Variants in KIAA0825 observed in about 807,000 individuals in gnomAD.
The protein encoded by KIAA0825 is KIAA0825, also known as uncharacterized protein KIAA0825.
A neutral mutation model predicts 147.6 loss-of-function variants in KIAA0825; 119 were observed. That is an observed-to-expected ratio of 0.81 (90% CI 0.69 to 0.94). The LOEUF (loss-of-function observed/expected upper bound fraction) is 0.94, where lower values mean the gene tolerates loss of function less well. KIAA0825 is among the 40% of genes least tolerant of loss of function. The probability of loss-of-function intolerance (pLI) is 0.00; values close to 1 mark genes in which losing one functional copy is unlikely to be tolerated. For synonymous variants in KIAA0825, 470 were observed against 518.1 expected, an observed-to-expected ratio of 0.91 and a Z score of 1.26; for missense variants, 1,381 against 1,472.7, an observed-to-expected ratio of 0.94 and a Z score of 1.02.
intron 2 of KIAA0825, among the ~76,000 whole-genome samples, chr5:94,552,613 G>A (rs116808269): frequency 0.018 from 2,703 of 151,978 alleles, 70 homozygotes; most frequent in African/African-American, 0.052. Context: ...ACTTTGGAAC[G>A]TGTACAAATA....
Position 94,403,603 on chromosome 5 carries a change from A to T in KIAA0825, c.2853T>A (p.Ser951Arg). ...ATTCTTTCCTGTTAGTTTCTTTTGG[A>T]CTATAATTCCATTCCTTTGGCATGC... ...LESMPKEWNYSPKETNRKESC... is the reference protein window; with the variant it reads ...LESMPKEWNYRPKETNRKESC... The change falls in exon 16 of 21, where the codon AGT (serine) becomes AGA (arginine). Residue 951 changes from serine to arginine, a missense_variant. Ser to Arg is a moderately radical substitution (Grantham distance 110, BLOSUM62 -1). Coordinates refer to ENST00000682413, the MANE Select transcript of KIAA0825 (RefSeq NM_001145678.3). 2.6e-6 allele frequency: 4 copies of T among 1,551,450 alleles called. No homozygotes were observed. Among genetic ancestry groups the T allele is most frequent in the Non-Finnish European group, 2.6e-6 (3 of 1,146,854 alleles).
intron 20 of KIAA0825, among the ~76,000 whole-genome samples, chr5:94,370,937 C>CA (rs1463197217): frequency 6.6e-6 from 1 of 151,450 alleles, no homozygotes; most frequent in Non-Finnish European, 1.5e-5. Flanking sequence ...CAAAACAAAA[C>CA]AAAAAAACGT....
At chr5:94,162,198 G>A (rs1315369843) in intron 20 of KIAA0825, among the ~76,000 whole-genome samples, 1 of 152,186 alleles carries the variant, frequency 6.6e-6, no homozygotes, top group Non-Finnish European at 1.5e-5. Flanking sequence ...TAAATGATAA[G>A]GATAGAGAAG....
At chr5:94,565,556 G>A (rs1050534797) in intron 2 of KIAA0825, among the ~76,000 whole-genome samples, 1 of 151,750 alleles carries the variant, frequency 6.6e-6, no homozygotes, top group South Asian at 2.1e-4. Context: ...TGGCCAGGCT[G>A]GTCTCAAACT....
intron 7 of KIAA0825, among the ~76,000 whole-genome samples, chr5:94,475,595 GT>G (rs1010753628): frequency 6.6e-6 from 1 of 152,148 alleles, no homozygotes; most frequent in African/African-American, 2.4e-5. Flanking sequence ...ATCACCTGAG[GT>G]CAGGAGTTCG....
intron 20 of KIAA0825, among the ~76,000 whole-genome samples, chr5:94,316,992 T>C (rs576406711): frequency 1.3e-5 from 2 of 151,770 alleles, no homozygotes; most frequent in African/African-American, 4.8e-5. Context: ...ACAAGTGATA[T>C]GAGAAAGAGG....
chr5:94,240,855 G>T (rs1775308392), intron 20 of KIAA0825, among the ~76,000 whole-genome samples: 1 of 152,064 alleles, frequency 6.6e-6, no homozygotes, highest in South Asian at 2.1e-4. Flanking sequence ...TGAGGTAATA[G>T]TTCCATTGCC....
At chr5:94,480,031 GCTTAT>G (rs1192336076) in intron 6 of KIAA0825, among the ~76,000 whole-genome samples, 1 of 151,894 alleles carries the variant, frequency 6.6e-6, no homozygotes, top group Non-Finnish European at 1.5e-5. Flanking sequence ...TTAGTTTGTG[GCTTAT>G]CTTTTCATCC....
chr5:94,369,745 C>T (rs1438273802), intron 20 of KIAA0825, among the ~76,000 whole-genome samples: 1 of 152,048 alleles, frequency 6.6e-6, no homozygotes, highest in Non-Finnish European at 1.5e-5. Flanking sequence ...ACCAAAGACT[C>T]GTATATAGAC....
In KIAA0825 at chr5:94,474,184, C is replaced by A. The variant is rs371728498; in HGVS notation, c.1228-665G>T. On this transcript the variant is annotated intron_variant, in intron 7 of 20. Transcript: ENST00000682413. ...TTCTATTGTGGTGGTTGGGGGGGTACTTGGAAGGGAGTAGAAGGGGTTGAG... is the reference window on the plus strand; with the variant it reads ...TTCTATTGTGGTGGTTGGGGGGGTAATTGGAAGGGAGTAGAAGGGGTTGAG... Among the ~76,000 whole-genome samples, 3 of 152,096 alleles carry A rather than the reference C, an allele frequency of 2.0e-5. No homozygotes were observed. In the East Asian group the frequency reaches 5.8e-4, roughly 29 times the overall value.
At chr5:94,431,475 T>C (rs1755657852) in intron 14 of KIAA0825, among the ~76,000 whole-genome samples, 1 of 152,190 alleles carries the variant, frequency 6.6e-6, no homozygotes, top group South Asian at 2.1e-4. Context: ...AAACTCACAG[T>C]GGCTGAAGTA....
At chr5:94,409,250 G>T (rs1358261213) in intron 15 of KIAA0825, among the ~76,000 whole-genome samples, 2 of 152,122 alleles carry the variant, frequency 1.3e-5, no homozygotes, top group Non-Finnish European at 2.9e-5. Flanking sequence ...TTATTTTAGT[G>T]ATGATAAAGT....
chr5:94,440,100 C>CAGTCCTCCAGCTGATGG lies in KIAA0825; in HGVS notation c.2362_2378dup (p.Lys794HisfsTer6). 1 of 1,551,352 alleles carries CAGTCCTCCAGCTGATGG rather than the reference C, an allele frequency of 6.4e-7. No homozygotes were observed. Among genetic ancestry groups the CAGTCCTCCAGCTGATGG allele is most frequent in the Non-Finnish European group, 8.7e-7 (1 of 1,146,744 alleles). ...GCAGTTTCAACTGACCCTCGGCTTT[C>CAGTCCTCCAGCTGATGG]AGTCCTCCAGCTGATGGAGTCCTTT... is the stretch of plus-strand genomic sequence containing the variant. On this transcript the variant is annotated frameshift_variant, in exon 14 of 21. Transcript: ENST00000682413. LOFTEE classifies it high-confidence loss of function.
At chr5:94,345,146 G>A (rs1310911932) in intron 20 of KIAA0825, among the ~76,000 whole-genome samples, 1 of 152,114 alleles carries the variant, frequency 6.6e-6, no homozygotes, top group African/African-American at 2.4e-5. Flanking sequence ...AGAAAGAAGA[G>A]GATGGTGTTC....
intron 20 of KIAA0825, among the ~76,000 whole-genome samples, chr5:94,276,578 C>T (rs1209864021): frequency 6.6e-6 from 1 of 152,018 alleles, no homozygotes; most frequent in Non-Finnish European, 1.5e-5. Flanking sequence ...CAAAAGCAGA[C>T]ATTATTAATT....
At chr5:94,343,676 A>G (rs544219873) in intron 20 of KIAA0825, among the ~76,000 whole-genome samples, 1 of 152,190 alleles carries the variant, frequency 6.6e-6, no homozygotes, top group Non-Finnish European at 1.5e-5. Flanking sequence ...GCAACAGAGC[A>G]AGACTGCATC....
intron 5 of KIAA0825, among the ~76,000 whole-genome samples, chr5:94,511,539 G>C (rs905211850): frequency 1.3e-5 from 2 of 152,190 alleles, no homozygotes; most frequent in African/African-American, 4.8e-5. Context: ...AGAATTGCTT[G>C]AACCCGGGAG....
intron 20 of KIAA0825, among the ~76,000 whole-genome samples, chr5:94,299,229 T>TA (rs1319887259): frequency 1.9e-4 from 29 of 152,182 alleles, no homozygotes; most frequent in African/African-American, 7.0e-4. Context: ...TTTATTTATT[T>TA]TTTTAGCGAC....
chr5:94,416,263 A>C (rs780780039), intron 15 of KIAA0825: 9 of 152,204 alleles, frequency 5.9e-5, no homozygotes, highest in Non-Finnish European at 1.3e-4. Context: ...GGCCAAGAGA[A>C]AATGAAACAT....
Sources: gnomAD v4.1 joint callset for allele counts (sites outside exome capture counted in the v4.1 genomes callset) on GRCh38, gnomAD v4.1.1 for gene constraint, MANE v1.5 for transcripts, NCBI Gene and HGNC (gene_info 2026-07-23, HGNC 2026-07-21) for gene names.